The following NCKAP5 variants were observed in gnomAD, a reference collection of about 807,000 sequenced individuals.
The protein encoded by NCKAP5 is NCK associated protein 5, also known as nck-associated protein 5.
Under a neutral mutation model 167.0 loss-of-function variants are expected in NCKAP5, and 92 were observed. The observed-to-expected ratio is 0.55, with a 90% CI of 0.47 to 0.66. The LOEUF (loss-of-function observed/expected upper bound fraction) is 0.66. Ranked by LOEUF, NCKAP5 falls within the 30% of genes least tolerant of loss-of-function variation. NCKAP5 has a pLI of 0.00. For missense variants in NCKAP5, 2,378 were observed against 2,315.0 expected, an observed-to-expected ratio of 1.03 and a Z score of -0.56; for synonymous variants, 891 against 877.4, an observed-to-expected ratio of 1.02 and a Z score of -0.27.
intron 6 of NCKAP5, among the ~76,000 whole-genome samples, chr2:133,058,460 G>A (rs1463984684): frequency 6.6e-6 from 1 of 152,174 alleles, no homozygotes; most frequent in Non-Finnish European, 1.5e-5. Flanking sequence ...ATTAACAGGA[G>A]TTTGGAAGAA....
intron 3 of NCKAP5, among the ~76,000 whole-genome samples, chr2:133,465,117 C>T (rs1692470965): frequency 6.6e-6 from 1 of 151,118 alleles, no homozygotes; most frequent in Admixed American, 6.6e-5. Flanking sequence ...ACTAACTCGT[C>T]ATCTAGCATT....
chr2:132,787,532 A>C (rs1199393579), intron 13 of NCKAP5, among the ~76,000 whole-genome samples: 2 of 152,102 alleles, frequency 1.3e-5, no homozygotes, highest in Admixed American at 1.3e-4. Context: ...TTCTTAGTAC[A>C]CTGTAAACAT....
intron 6 of NCKAP5, among the ~76,000 whole-genome samples, chr2:133,049,544 C>CAAAAAAA (rs59494014): frequency 1.3e-5 from 1 of 78,298 alleles, no homozygotes; most frequent in African/African-American, 5.1e-5. Flanking sequence ...GACTCTGTCT[C>CAAAAAAA]AAAAAAAAAA....
intron 8 of NCKAP5, among the ~76,000 whole-genome samples, chr2:132,961,349 C>CTT (rs60268818): frequency 0.36 from 54,680 of 150,588 alleles, 11,185 homozygotes; most frequent in African/African-American, 0.53. Flanking sequence ...TATTTACAAA[C>CTT]ATATATTTGT....
At chr2:132,947,994 G>A (rs942443731) in intron 8 of NCKAP5, among the ~76,000 whole-genome samples, 1 of 152,168 alleles carries the variant, frequency 6.6e-6, no homozygotes, top group African/African-American at 2.4e-5. Context: ...ATGGGGGATT[G>A]CGAAGTCTTT....
At chr2:132,758,499 T>A (rs1343657693) in intron 16 of NCKAP5, among the ~76,000 whole-genome samples, 1 of 152,224 alleles carries the variant, frequency 6.6e-6, no homozygotes, top group African/African-American at 2.4e-5. Flanking sequence ...CTATCTATAA[T>A]GTCTAGTAAA....
At chr2:132,888,167 T>C (rs1382789900) in intron 8 of NCKAP5, among the ~76,000 whole-genome samples, 1 of 152,118 alleles carries the variant, frequency 6.6e-6, no homozygotes, top group Non-Finnish European at 1.5e-5. Flanking sequence ...GAAATGAAAA[T>C]TCAGTTTGAT....
intron 4 of NCKAP5, among the ~76,000 whole-genome samples, chr2:133,277,456 G>A (rs981257344): frequency 2.6e-5 from 4 of 152,018 alleles, no homozygotes; most frequent in Non-Finnish European, 5.9e-5. Flanking sequence ...ATTAGAAGTC[G>A]AAATGTATAA....
At chr2:133,616,499 T>C in the NCKAP5 span, among the ~76,000 whole-genome samples, 94,043 of 149,966 alleles carry the variant, frequency 0.63, 30,626 homozygotes, top group Middle Eastern at 0.8. Context: ...AAATACAAAC[T>C]ACCATCAGAG....
the NCKAP5 span, among the ~76,000 whole-genome samples, chr2:133,619,224 G>T: frequency 6.7e-6 from 1 of 148,520 alleles, no homozygotes; most frequent in Non-Finnish European, 1.5e-5. Flanking sequence ...GTTAGTGGGT[G>T]CAGCGCACCA....
chr2:132,996,007 A>G (rs1442495061), intron 6 of NCKAP5, among the ~76,000 whole-genome samples: 1 of 152,190 alleles, frequency 6.6e-6, no homozygotes, highest in African/African-American at 2.4e-5. Context: ...TATTTTATTA[A>G]AAACTAAGGC....
intron 4 of NCKAP5, among the ~76,000 whole-genome samples, chr2:133,263,744 A>G (rs1344537147): frequency 6.6e-6 from 1 of 152,202 alleles, no homozygotes; most frequent in Non-Finnish European, 1.5e-5. Flanking sequence ...CCATTTATCC[A>G]TGTGAGATAT....
At chr2:133,492,772 A>C (rs1414701590) in intron 3 of NCKAP5, among the ~76,000 whole-genome samples, 1 of 152,188 alleles carries the variant, frequency 6.6e-6, no homozygotes, top group East Asian at 1.9e-4. Context: ...CTAATATAAA[A>C]TCCAATTACA....
the NCKAP5 span, among the ~76,000 whole-genome samples, chr2:133,611,600 T>G: frequency 7.9e-5 from 12 of 152,156 alleles, no homozygotes; most frequent in African/African-American, 2.9e-4. Flanking sequence ...CAGTAAGGCT[T>G]CTTAGCCCTC....
intron 15 of NCKAP5, among the ~76,000 whole-genome samples, chr2:132,775,600 C>T (rs1682479844): frequency 1.3e-5 from 2 of 152,178 alleles, no homozygotes; most frequent in Admixed American, 1.3e-4. Flanking sequence ...TCTAGCAGCA[C>T]ATATTTACAG....
At chr2:132,836,411 AT>A (rs368305947) in intron 11 of NCKAP5, among the ~76,000 whole-genome samples, 55 of 144,336 alleles carry the variant, frequency 3.8e-4, no homozygotes, top group Middle Eastern at 7.3e-3. Context: ...TCCTAGGAGT[AT>A]TTTTTTTTTG....
At chr2:132,702,451 A>C (rs1227612962) in intron 19 of NCKAP5, among the ~76,000 whole-genome samples, 1 of 152,186 alleles carries the variant, frequency 6.6e-6, no homozygotes, top group Admixed American at 6.6e-5. Context: ...AAACAGATCA[A>C]CTTAAAGGGG....
At chr2:133,073,795 T>A (rs1003016997) in intron 6 of NCKAP5, among the ~76,000 whole-genome samples, 11 of 151,904 alleles carry the variant, frequency 7.2e-5, no homozygotes, top group African/African-American at 2.7e-4. Context: ...TAAAACAGAG[T>A]CAAAAAACCA....
chr2:133,588,394 C>A, the NCKAP5 span, among the ~76,000 whole-genome samples: 4 of 138,214 alleles, frequency 2.9e-5, no homozygotes, highest in Admixed American at 3.0e-4. Flanking sequence ...TCCCTTCCTT[C>A]TTCCCTCTCT....
Sources: gnomAD v4.1 joint callset for allele counts (sites outside exome capture counted in the v4.1 genomes callset) on GRCh38, gnomAD v4.1.1 for gene constraint, MANE v1.5 for transcripts, NCBI Gene and HGNC (gene_info 2026-07-23, HGNC 2026-07-21) for gene names.